RNASE13: variants seen among roughly 807,000 people sequenced by gnomAD.
RNASE13 encodes the protein probable inactive ribonuclease-like protein 13.
For synonymous variants in RNASE13, 67 were observed against 71.6 expected, an observed-to-expected ratio of 0.94 and a Z score of 0.32; for missense variants, 188 against 192.8, an observed-to-expected ratio of 0.98 and a Z score of 0.15.
In RNASE13 at chr14:21,033,627, G is replaced by C. The variant is rs1161225824; in HGVS notation, c.*191C>G. On this transcript the variant is annotated 3_prime_UTR_variant, in exon 2 of 2. Transcript: ENST00000382951. Reference sequence around the variant, plus strand: ...GGGCGAAGAGGGGGTAAACAAGCTGGAAAGAACCTAGAAGATAGCACCACT... The same window carrying C: ...GGGCGAAGAGGGGGTAAACAAGCTGCAAAGAACCTAGAAGATAGCACCACT... 6 of 605,342 alleles carry C rather than the reference G, an allele frequency of 9.9e-6. No individual in the cohort carries two copies. Among genetic ancestry groups the C allele is most frequent in the Non-Finnish European group, 1.5e-5 (5 of 337,754 alleles). The allele number at this position is 605,342 out of a possible 1,614,324, so 37.5% of individuals were successfully genotyped here.
chr14:21,033,921 C>A lies in RNASE13; in HGVS notation c.368G>T (p.Cys123Phe), dbSNP rs751466358. 1.5e-5 allele frequency: 25 copies of A among 1,614,030 alleles called. 1 individual carries two copies. The South Asian group carries it at 2.7e-4, about 18-fold the overall frequency. ...SLSHQQPPTSCYYNSTLTNQK... is the reference protein window; with the variant it reads ...SLSHQQPPTSFYYNSTLTNQK... ...GTTGGTTAGGGTGCTATTGTAGTAG[C>A]AGCTAGTGGGTGGCTGTTGGTGGCT... The change falls in exon 2 of 2, where the codon TGC becomes TTC. Residue 123 changes from cysteine (C) to phenylalanine (F), a missense_variant. Cys to Phe is a radical substitution (Grantham distance 205, BLOSUM62 -2). Transcript: ENST00000382951.
Position 21,034,276 on chromosome 14 carries a change from C to T in RNASE13, c.13G>A (p.Val5Met). MAPA[V>M]TRLLFLQLVL... The stretch of plus-strand genomic sequence containing the variant: ...AGCTGGAGGAAAAGGAGCCGGGTCA[C>T]AGCTGGTGCCATTCCTCCTGCTGGT... Residue 5 changes from valine (V) to methionine (M), a missense_variant, in exon 2 of 2, where the codon GTG becomes ATG. Coordinates refer to ENST00000382951, the MANE Select transcript of RNASE13 (RefSeq NM_001012264.4). 6 of 1,610,270 alleles carry T rather than the reference C, an allele frequency of 3.7e-6. No individual in the cohort carries two copies. Among genetic ancestry groups the T allele is most frequent in the Non-Finnish European group, 4.2e-6 (5 of 1,177,880 alleles).
rs1220067480 is a variant in RNASE13 at position 21,032,961 on chromosome 14, A to G, written c.*857T>C. The stretch of plus-strand genomic sequence containing the variant: ...TACTCAGATGTGGTTTTAGAAATTT[A>G]TGTTCGATTAGAGCCGGGCCTGCCT... On this transcript the variant is annotated 3_prime_UTR_variant, in exon 2 of 2. Coordinates refer to ENST00000382951, the MANE Select transcript of RNASE13 (RefSeq NM_001012264.4). The G allele has an allele frequency of 4.4e-6, 2 of 455,970 alleles. No individual in the cohort carries two copies. The highest frequency in any genetic ancestry group is 8.8e-6 in the Non-Finnish European group (2 of 226,964). 28.2% of individuals were successfully genotyped at this position (455,970 alleles called of 1,614,324 possible).
In RNASE13 at chr14:21,034,203, C is replaced by A; in HGVS notation, c.86G>T (p.Ser29Ile). 1 of 1,614,088 alleles carries A rather than the reference C, an allele frequency of 6.2e-7. No homozygotes were observed. The highest frequency in any genetic ancestry group is 1.7e-5 in the Admixed American group (1 of 60,012). ...AATGCTTAAGGTATAGAAGTTCCTG[C>A]TGCCAATCTGCATCTTGATGTCCAT... ...LVMDIKMQIGSRNFYTLSIDY... is the reference protein window; with the variant it reads ...LVMDIKMQIGIRNFYTLSIDY... Residue 29 changes from serine (S) to isoleucine (I), a missense_variant, in exon 2 of 2, where the codon AGC (serine) becomes ATC (isoleucine). By Grantham distance (142) the Ser-to-Ile change is moderately radical. Coordinates refer to ENST00000382951, the MANE Select transcript of RNASE13 (RefSeq NM_001012264.4).
At position 21,034,128 on chromosome 14, in the gene RNASE13, C is replaced by T; in HGVS notation, c.161G>A (p.Gly54Asp). The T allele has an allele frequency of 6.2e-7, 1 of 1,614,192 alleles. No individual in the cohort carries two copies. Among genetic ancestry groups the T allele is most frequent in the Non-Finnish European group, 8.5e-7 (1 of 1,180,032 alleles). ...YPKGFRGYCN[G>D]LMSYMRGKMQ... ...CTTGCCTCGCATATAGGACATCAGACCATTACAATAGCCCCGGAAACCCTT... is the reference window on the plus strand; with the variant it reads ...CTTGCCTCGCATATAGGACATCAGATCATTACAATAGCCCCGGAAACCCTT... The change falls in exon 2 of 2, where the codon GGT becomes GAT. Residue 54 changes from glycine (G) to aspartate (D), a missense_variant. Gly to Asp is a moderately conservative substitution (Grantham distance 94). Coordinates refer to ENST00000382951, the MANE Select transcript of RNASE13 (RefSeq NM_001012264.4).
chr14:21,034,412 C>G (rs1884478323), intron 1 of RNASE13, 116 bp from the exon 2 acceptor site: 1 of 720,286 alleles, frequency 1.4e-6, no homozygotes, highest in African/African-American at 1.8e-5. Flanking sequence ...TCACCCATAA[C>G]CAAGTTCTCA....
rs966217024 is a variant in RNASE13, at chr14:21,034,071, T to C, written c.218A>G (p.Tyr73Cys). 6.2e-7 allele frequency: 1 copy of C among 1,614,194 alleles called. No individual in the cohort carries two copies. Among genetic ancestry groups the C allele is most frequent in the Admixed American group, 1.7e-5 (1 of 60,020 alleles). The change falls in exon 2 of 2, where the codon TAT becomes TGT. Residue 73 changes from tyrosine (Y) to cysteine (C), a missense_variant. Coordinates refer to ENST00000382951, the MANE Select transcript of RNASE13 (RefSeq NM_001012264.4). ...MQNSDCPKIHYVIHAPWKAIQ... is the reference protein window; with the variant it reads ...MQNSDCPKIHCVIHAPWKAIQ... ...GGCCTTCCAAGGGGCATGTATCACA[T>C]AATGGATCTTTGGGCAATCTGAATT...
chr14:21,033,835 G>A lies in RNASE13; in HGVS notation c.454C>T (p.Leu152Phe). The change falls in exon 2 of 2, where the codon CTC (leucine) becomes TTC (phenylalanine). Residue 152 changes from leucine (L) to phenylalanine (F), a missense_variant. By Grantham distance (22) the Leu-to-Phe change is conservative. Transcript: ENST00000382951. ...CTCAGGAATTAAATTCCCGAATAGA[G>A]ACCAGCGATACCTATTGGATCAGCT... ...YEADPIGIAGLYSGI is the reference protein window; with the variant it reads ...YEADPIGIAGFYSGI 6.2e-7 allele frequency: 1 copy of A among 1,610,974 alleles called. No individual in the cohort carries two copies. The highest frequency in any genetic ancestry group is 8.5e-7 in the Non-Finnish European group (1 of 1,177,130).
In RNASE13 at chr14:21,033,940, G is replaced by C. The variant is rs781034805; in HGVS notation, c.349C>G (p.Gln117Glu). Residue 117 changes from glutamine to glutamate, a missense_variant, in exon 2 of 2, where the codon CAA becomes GAA. Gln to Glu is a conservative substitution (Grantham distance 29). Transcript: ENST00000382951. ...LPITVCSLSHQQPPTSCYYNS... is the reference protein window; with the variant it reads ...LPITVCSLSHEQPPTSCYYNS... ...TAGTAGCAGCTAGTGGGTGGCTGTT[G>C]GTGGCTCAGGGAGCAGACCGTGATG... 2.5e-6 allele frequency: 4 copies of C among 1,613,990 alleles called. No individual in the cohort carries two copies. The Admixed American group carries it at 6.7e-5, about 27-fold the overall frequency.
At position 21,033,009 on chromosome 14, in the gene RNASE13, A is replaced by C. The variant is rs1303768789; in HGVS notation, c.*809T>G. ...CCTCATTCGCTGCCTGGTCAGGGGC[A>C]GACTCTGGAGTCTGGGGGATTTGGG... is the stretch of plus-strand genomic sequence containing the variant. On this transcript the variant is annotated 3_prime_UTR_variant, in exon 2 of 2. Coordinates refer to ENST00000382951, the MANE Select transcript of RNASE13 (RefSeq NM_001012264.4). 2.2e-6 allele frequency: 1 copy of C among 454,716 alleles called. No individual in the cohort carries two copies. The highest frequency in any genetic ancestry group is 2.4e-5 in the Admixed American group (1 of 42,250). The allele number at this position is 454,716 out of a possible 1,614,324, so 28.2% of individuals were successfully genotyped here. A position where few individuals can be genotyped will look rare whatever the true frequency, so the allele number is the denominator to read the frequency against.
rs774419472 is a variant in RNASE13, at chr14:21,033,960, G to A, written c.329C>T (p.Thr110Met). The change falls in exon 2 of 2, where the codon ACG becomes ATG. Residue 110 changes from threonine (T) to methionine (M), a missense_variant. Transcript: ENST00000382951. ...CTLTQDSLPI[T>M]VCSLSHQQPP... is the part of the protein sequence containing the mutation. ...CTGTTGGTGGCTCAGGGAGCAGACCGTGATGGGGAGGGAATCCTGGGTGAG... is the reference window on the plus strand; with the variant it reads ...CTGTTGGTGGCTCAGGGAGCAGACCATGATGGGGAGGGAATCCTGGGTGAG... The A allele has an allele frequency of 4.3e-5, 69 of 1,614,054 alleles. 1 individual carries two copies. In the East Asian group the frequency reaches 6.5e-4, roughly 15 times the overall value.
chr14:21,033,724 G>T lies in RNASE13; in HGVS notation c.*94C>A. 1 of 918,780 alleles carries T rather than the reference G, an allele frequency of 1.1e-6. No homozygotes were observed. The highest frequency in any genetic ancestry group is 1.8e-6 in the Non-Finnish European group (1 of 551,722). The allele number at this position is 918,780 out of a possible 1,614,324, so 56.9% of individuals were successfully genotyped here. ...CTTGGGAGGGGACCCTGCCTGCCTC[G>T]TAAGTCAGGAAGGAAGTCTTGTTAC... On this transcript the variant is annotated 3_prime_UTR_variant, in exon 2 of 2. Coordinates refer to ENST00000382951, the MANE Select transcript of RNASE13 (RefSeq NM_001012264.4).
chr14:21,033,288 T>G lies in RNASE13; in HGVS notation c.*530A>C. 3.2e-6 allele frequency: 1 copy of G among 311,130 alleles called. No homozygotes were observed. The highest frequency in any genetic ancestry group is 6.2e-6 in the Non-Finnish European group (1 of 162,244). The allele number at this position is 311,130 out of a possible 1,614,324, so 19.3% of individuals were successfully genotyped here. On this transcript the variant is annotated 3_prime_UTR_variant, in exon 2 of 2. Coordinates refer to ENST00000382951, the MANE Select transcript of RNASE13 (RefSeq NM_001012264.4). The stretch of plus-strand genomic sequence containing the variant: ...AGAGAAGCAGGCTGGAAACTGGGGG[T>G]TGTGGGGAAGTGAGGCTAACATGAG...
chr14:21,034,397 T>A (rs1400470760), intron 1 of RNASE13, 101 bp from the exon 2 acceptor site: 3 of 785,248 alleles, frequency 3.8e-6, no homozygotes, highest in Middle Eastern at 3.9e-4. Flanking sequence ...ACTTTAGAGA[T>A]CATCTCACCC....
At chr14:21,034,558 T>C (rs1202375450) in intron 1 of RNASE13, 98 bp downstream of exon 1, 1 of 431,010 alleles carries the variant, frequency 2.3e-6, no homozygotes, top group Non-Finnish European at 4.1e-6. Flanking sequence ...ATAAGAGCTC[T>C]AACTGGTCCT....
rs781086251 is a variant in RNASE13 at position 21,034,037 on chromosome 14, C to T, written c.252G>A (p.Lys84=). Residue 84 remains lysine (K), a synonymous_variant, in exon 2 of 2, where the codon AAG becomes AAA. Transcript: ENST00000382951. ...VIHAPWKAIQ[K]FCKYSDSFCE... is the part of the protein sequence containing the mutation. ...AGAAGCTGTCACTATACTTGCAGAA[C>T]TTCTGGATGGCCTTCCAAGGGGCAT... 4.3e-6 allele frequency: 7 copies of T among 1,614,036 alleles called. No homozygotes were observed. In the Admixed American group the frequency reaches 1.2e-4, roughly 27 times the overall value.
Position 21,033,239 on chromosome 14 carries a change from A to G in RNASE13, c.*579T>C. The G allele has an allele frequency of 3.1e-6, 1 of 326,448 alleles. No homozygotes were observed. The highest frequency in any genetic ancestry group is 2.5e-5 in the South Asian group (1 of 40,738). 20.2% of individuals were successfully genotyped at this position (326,448 alleles called of 1,614,324 possible). A position where few individuals can be genotyped will look rare whatever the true frequency, so the allele number is the denominator to read the frequency against. On this transcript the variant is annotated 3_prime_UTR_variant, in exon 2 of 2. Transcript: ENST00000382951. ...GGAAGCAGGAGAGGACAGTTATATG[A>G]AGGGAGAAACCATGATTTCACAGAG... is the stretch of plus-strand genomic sequence containing the variant.
In RNASE13 at chr14:21,034,094, AT is replaced by A. The variant is rs1566490556; in HGVS notation, c.194del (p.Asn65IlefsTer10). ...CATAATGGATCTTTGGGCAATCTGA[AT>A]TTTGCATCTTGCCTCGCATATAGGA... is the stretch of plus-strand genomic sequence containing the variant. ...LMSYMRGKMQ[N>X]SDCPKIHYVI... On this transcript the variant is annotated frameshift_variant, in exon 2 of 2. Coordinates refer to ENST00000382951, the MANE Select transcript of RNASE13 (RefSeq NM_001012264.4). LOFTEE classifies it low-confidence loss of function (END_TRUNC). The A allele has an allele frequency of 1.2e-6, 2 of 1,614,176 alleles. No homozygotes were observed. The highest frequency in any genetic ancestry group is 1.7e-5 in the Admixed American group (1 of 60,022).
chr14:21,034,284 G>A lies in RNASE13; in HGVS notation c.5C>T (p.Ala2Val). The A allele has an allele frequency of 1.2e-6, 2 of 1,608,418 alleles. No individual in the cohort carries two copies. The highest frequency in any genetic ancestry group is 1.1e-5 in the South Asian group (1 of 90,128). Residue 2 changes from alanine (A) to valine (V), a missense_variant, in exon 2 of 2, where the codon GCA becomes GTA. Transcript: ENST00000382951. M[A>V]PAVTRLLFLQ... ...GAAAAGGAGCCGGGTCACAGCTGGT[G>A]CCATTCCTCCTGCTGGTAGAGTTAA...
Sources: gnomAD v4.1 joint callset for allele counts on GRCh38, gnomAD v4.1.1 for gene constraint, MANE v1.5 for transcripts, NCBI Gene and HGNC (gene_info 2026-07-23, HGNC 2026-07-21) for gene names.